CNOT1: variants seen among roughly 807,000 people sequenced by gnomAD.
CNOT1 encodes CCR4-associated factor 1.
In CNOT1, 15 loss-of-function variants were observed where a neutral mutation model predicts 273.8. That is an observed-to-expected ratio of 0.05 (90% CI 0.04 to 0.08). The LOEUF is 0.08. Ranked by LOEUF, CNOT1 falls within the 10% of genes least tolerant of loss-of-function variation. CNOT1 has a pLI of 1.00. For synonymous variants in CNOT1, 1,022 were observed against 1,005.5 expected (o/e 1.02, Z -0.31); for missense variants, 1,644 against 2,912.2 (o/e 0.56, Z 10.02).
chr16:58,596,694 T>G (rs2042264133), intron 2 of CNOT1, among the ~76,000 whole-genome samples: 1 of 151,962 alleles, frequency 6.6e-6, no homozygotes, highest in South Asian at 2.1e-4. Flanking sequence ...GAGACCATCC[T>G]GGCTAACACG....
chr16:58,628,286 TAAC>T, intron 1 of CNOT1, among the ~76,000 whole-genome samples: 1 of 152,304 alleles, frequency 6.6e-6, no homozygotes, highest in Non-Finnish European at 1.5e-5. Flanking sequence ...TTAGACAAGG[TAAC>T]AATTTGCAGT....
intron 30 of CNOT1, among the ~76,000 whole-genome samples, chr16:58,544,618 T>C (rs1404791712): frequency 6.6e-6 from 1 of 152,170 alleles, no homozygotes; most frequent in African/African-American, 2.4e-5. Flanking sequence ...ATAAAATGAT[T>C]TCTCTGATAC....
At chr16:58,582,692 C>A in intron 10 of CNOT1, 101 bp downstream of exon 10, 1 of 734,270 alleles carries the variant, frequency 1.4e-6, no homozygotes, top group Non-Finnish European at 2.4e-6. Flanking sequence ...CACTTTATTA[C>A]TTTTTGAGTT....
intron 2 of CNOT1, among the ~76,000 whole-genome samples, chr16:58,593,954 A>G (rs2042155054): frequency 6.6e-6 from 1 of 152,200 alleles, no homozygotes; most frequent in South Asian, 2.1e-4. Flanking sequence ...ATTAAATGAA[A>G]AAAGGCAAGG....
intron 13 of CNOT1, among the ~76,000 whole-genome samples, chr16:58,576,909 A>G (rs1255999216): frequency 6.6e-6 from 1 of 152,256 alleles, no homozygotes; most frequent in East Asian, 1.9e-4. Flanking sequence ...CATCAAGTTT[A>G]TATAATTACT....
Position 58,580,778 on chromosome 16 carries a change from G to A in CNOT1, c.1216-18C>T. ...AAGGAGAGCTGCAATGAAAGAAAAT[G>A]CTTACCACCATAAATGATTGTGAAT... On this transcript the variant is annotated intron_variant, in intron 11 of 48. Coordinates refer to ENST00000317147, the MANE Select transcript of CNOT1 (RefSeq NM_016284.5). 5 of 1,598,526 alleles carry A rather than the reference G, an allele frequency of 3.1e-6. No individual in the cohort carries two copies. The highest frequency in any genetic ancestry group is 4.3e-6 in the Non-Finnish European group (5 of 1,171,662).
Position 58,547,109 on chromosome 16 carries a change from T to C in CNOT1, c.3750+77A>G. The C allele has an allele frequency of 6.6e-7, 1 of 1,525,990 alleles. No homozygotes were observed. Among genetic ancestry groups the C allele is most frequent in the South Asian group, 1.3e-5 (1 of 75,892 alleles). The allele number at this position is 1,525,990 out of a possible 1,614,324, so 94.5% of individuals were successfully genotyped here. On this transcript the variant is annotated intron_variant, in intron 27 of 48. Coordinates refer to ENST00000317147, the MANE Select transcript of CNOT1 (RefSeq NM_016284.5). The surrounding 1 kb of genome is among the most constrained non-coding windows in gnomAD (Gnocchi z 4.0). ...AGCTTTACCTCACAAGAACTAAGAA[T>C]ATAATCTCTTGACCTCATGCTAAAA...
chr16:58,569,856 T>G (rs1376013585), intron 16 of CNOT1, among the ~76,000 whole-genome samples: 3 of 152,172 alleles, frequency 2.0e-5, no homozygotes, highest in African/African-American at 7.2e-5. Flanking sequence ...CGATAAATTT[T>G]ATTAAAAACA....
At chr16:58,522,117 A>T (rs967921098) in intron 47 of CNOT1, among the ~76,000 whole-genome samples, 1 of 152,030 alleles carries the variant, frequency 6.6e-6, no homozygotes, top group Non-Finnish European at 1.5e-5. Context: ...CGGGAGTTCA[A>T]GACCAGCCTG....
intron 17 of CNOT1, chr16:58,559,821 A>G (rs1170959785): frequency 1.9e-6 from 1 of 523,004 alleles, no homozygotes; most frequent in Non-Finnish European, 3.8e-6. Context: ...TTAAAAGAGC[A>G]GTTCAGTTGA....
intron 17 of CNOT1, chr16:58,559,943 G>C: frequency 5.5e-6 from 5 of 903,388 alleles, no homozygotes; most frequent in African/African-American, 1.7e-5. Context: ...TGTCTCAAGA[G>C]TCTACGTAAT....
chr16:58,603,085 A>G (rs1244846509), intron 1 of CNOT1, among the ~76,000 whole-genome samples: 1 of 152,106 alleles, frequency 6.6e-6, no homozygotes, highest in Non-Finnish European at 1.5e-5. Flanking sequence ...CCAGAATCCA[A>G]CCATTTCTCA....
At chr16:58,522,237 C>CAAAAAAAAAAAAAAAAAAAAAA (rs56149974) in intron 47 of CNOT1, among the ~76,000 whole-genome samples, 2 of 98,556 alleles carry the variant, frequency 2.0e-5, no homozygotes, top group African/African-American at 8.5e-5. Flanking sequence ...GAGACTGTCT[C>CAAAAAAAAAAAAAAAAAAAAAA]AAAAAAAAAA....
rs1268117270 is a variant in CNOT1, at chr16:58,559,148, G to A, written c.2131-474C>T. Among the ~76,000 whole-genome samples the A allele has an allele frequency of 3.3e-5, 5 of 152,166 alleles. No individual in the cohort carries two copies. The East Asian group carries it at 5.8e-4, about 18-fold the overall frequency. Reference sequence around the variant, plus strand: ...TTATGACTATGTTTTGACTCAACACGTAGCATCAGATCAGGTATGGAATTT... The same window carrying A: ...TTATGACTATGTTTTGACTCAACACATAGCATCAGATCAGGTATGGAATTT... On this transcript the variant is annotated intron_variant, in intron 17 of 48. Coordinates refer to ENST00000317147, the MANE Select transcript of CNOT1 (RefSeq NM_016284.5).
intron 1 of CNOT1, among the ~76,000 whole-genome samples, chr16:58,629,045 G>A (rs919898166): frequency 2.0e-5 from 3 of 152,252 alleles, no homozygotes; most frequent in Non-Finnish European, 4.4e-5. Context: ...CCGAGTAGGT[G>A]GGGGCCAACT....
At chr16:58,583,275 T>C (rs2041714150) in intron 8 of CNOT1, 93 bp from the exon 9 acceptor site, 2 of 1,546,790 alleles carry the variant, frequency 1.3e-6, no homozygotes, top group South Asian at 1.2e-5. Context: ...TTGAAAGCCT[T>C]AGTTTTACTA....
At chr16:58,525,488 AT>A in intron 45 of CNOT1, 129 bp from the exon 46 acceptor site, 1 of 743,842 alleles carries the variant, frequency 1.3e-6, no homozygotes, top group East Asian at 2.7e-5. Context: ...ACTTGCTTGA[AT>A]TTGTGAGGTT....
chr16:58,558,540 T>C lies in CNOT1; in HGVS notation c.2265A>G (p.Pro755=), dbSNP rs1480460836. 1.9e-6 allele frequency: 3 copies of C among 1,613,000 alleles called. No individual in the cohort carries two copies. In the African/African-American group the frequency reaches 4.0e-5, roughly 22 times the overall value. The change falls in exon 18 of 49, where the codon CCA becomes CCG. Residue 755 remains proline (P), a synonymous_variant. Transcript: ENST00000317147. ...TGGTCTGATTGGGGGTTGAAAGGGG[T>C]GGAAATGCTTTTGCTGGTGACTGAG... ...STPQSPAKAF[P]PLSTPNQTTA...
In CNOT1 at chr16:58,538,203, G is replaced by T; in HGVS notation, c.5199C>A (p.Arg1733=). The change falls in exon 37 of 49, where the codon CGC becomes CGA. Residue 1733 remains arginine, a synonymous_variant. Transcript: ENST00000317147. ...YNVEAVELLI[R]NHLVNMQQYD... ...ACTGCTGCATATTAACCAAATGATTGCGAATTAGCAGCTCCACAGCCTCCA... is the reference window on the plus strand; with the variant it reads ...ACTGCTGCATATTAACCAAATGATTTCGAATTAGCAGCTCCACAGCCTCCA... 1.3e-6 allele frequency: 2 copies of T among 1,526,928 alleles called. No individual in the cohort carries two copies. Among genetic ancestry groups the T allele is most frequent in the Non-Finnish European group, 1.8e-6 (2 of 1,100,284 alleles). The allele number at this position is 1,526,928 out of a possible 1,614,324, so 94.6% of individuals were successfully genotyped here. A position where few individuals can be genotyped will look rare whatever the true frequency, so the allele number is the denominator to read the frequency against.
Sources: allele counts gnomAD v4.1 joint callset (sites outside exome capture counted in the v4.1 genomes callset), GRCh38; gene constraint gnomAD v4.1.1; non-coding constraint Gnocchi (gnomAD v3.1); transcripts MANE v1.5; gene names NCBI Gene and HGNC (gene_info 2026-07-23, HGNC 2026-07-21).